Variants in FOXP2 observed in about 807,000 individuals in gnomAD.
FOXP2 encodes forkhead box protein P2.
In FOXP2, 12 loss-of-function variants were observed where a neutral mutation model predicts 115.8. That is an observed-to-expected ratio of 0.10 (90% CI 0.07 to 0.17). The LOEUF is 0.17. Ranked by LOEUF, FOXP2 falls within the 10% of genes least tolerant of loss-of-function variation. The pLI, the probability that FOXP2 is intolerant of heterozygous loss-of-function variation, is 1.00. For synonymous variants in FOXP2, 328 were observed against 297.7 expected (o/e 1.10, Z -1.05); for missense variants, 629 against 843.5 (o/e 0.75, Z 3.15).
In FOXP2 at chr7:114,557,141, C is replaced by T. The variant is rs1800504642; in HGVS notation, c.258+22435C>T. The stretch of plus-strand genomic sequence containing the variant: ...CTTGGGCTCAAACCCTGTTTTCATA[C>T]ATTGTTGGACAATGAGTCAAGGTGG... On this transcript the variant is annotated intron_variant, in intron 3 of 16. Transcript: ENST00000350908. Among the ~76,000 whole-genome samples the T allele has an allele frequency of 2.0e-5, 3 of 152,054 alleles. No individual in the cohort carries two copies. The South Asian group carries it at 6.2e-4, about 31-fold the overall frequency.
At chr7:114,245,306 C>G (rs1795253857) in intron 1 of FOXP2, among the ~76,000 whole-genome samples, 2 of 152,132 alleles carry the variant, frequency 1.3e-5, no homozygotes, top group Admixed American at 1.3e-4. Context: ...TAAGTGAATA[C>G]ATGCATATTT....
chr7:114,093,588 C>A (rs1584474532), intron 1 of FOXP2, among the ~76,000 whole-genome samples: 2 of 151,914 alleles, frequency 1.3e-5, no homozygotes, highest in African/African-American at 4.8e-5. Flanking sequence ...GAAGTTACTT[C>A]CATCTATATC....
Position 114,663,438 on chromosome 7 carries a change from T to G in FOXP2, c.1770-12T>G. ...TGACGTATAAATGATCTTTATATAT[T>G]TTTTTTTTCAGAAGTCCAACCTTAG... On this transcript the variant is annotated splice_polypyrimidine_tract_variant and intron_variant, in intron 14 of 16. Transcript: ENST00000350908. The G allele has an allele frequency of 6.4e-7, 1 of 1,568,638 alleles. No homozygotes were observed. Among genetic ancestry groups the G allele is most frequent in the African/African-American group, 1.4e-5 (1 of 73,770 alleles).
chr7:114,506,032 T>TA (rs1484471251), intron 2 of FOXP2, among the ~76,000 whole-genome samples: 1 of 151,034 alleles, frequency 6.6e-6, no homozygotes, highest in Non-Finnish European at 1.5e-5. Flanking sequence ...ACTCCCACAT[T>TA]AAAAAACAAC....
chr7:114,254,114 A>G (rs1377394504), intron 1 of FOXP2, among the ~76,000 whole-genome samples: 1 of 152,112 alleles, frequency 6.6e-6, no homozygotes, highest in African/African-American at 2.4e-5. Flanking sequence ...AATGTTGAAT[A>G]TTGGCCCCCC....
chr7:114,297,482 C>T, intron 2 of FOXP2: 1 of 351,670 alleles, frequency 2.8e-6, no homozygotes, highest in Middle Eastern at 8.7e-4. Flanking sequence ...CATTTTTTGC[C>T]TCTAAGTGCC....
intron 2 of FOXP2, among the ~76,000 whole-genome samples, chr7:114,334,900 G>T (rs907422602): frequency 7.2e-6 from 1 of 139,202 alleles, no homozygotes; most frequent in African/African-American, 2.7e-5. Flanking sequence ...GTGTGTGTGT[G>T]TGTATATATA....
At position 114,336,785 on chromosome 7, in the gene FOXP2, A is replaced by G. The variant is rs550891070; in HGVS notation, c.-11+48676A>G. ...CTACAATAATCTGTTCATTTGTCTT[A>G]GAAGAGGGGAGAAAAAAACCCAGAA... On this transcript the variant is annotated intron_variant, in intron 2 of 17. Transcript: ENST00000634411. Among the ~76,000 whole-genome samples the G allele has an allele frequency of 2.6e-5, 4 of 151,672 alleles. No homozygotes were observed. The South Asian group carries it at 8.3e-4, about 31-fold the overall frequency.
chr7:114,628,320 C>A (rs986847561), intron 3 of FOXP2, among the ~76,000 whole-genome samples: 3 of 152,066 alleles, frequency 2.0e-5, no homozygotes, highest in African/African-American at 7.2e-5. Context: ...AGCTATGGAA[C>A]ATAAAGAGTT....
intron 2 of FOXP2, among the ~76,000 whole-genome samples, chr7:114,394,464 G>A (rs1008185199): frequency 1.3e-5 from 2 of 151,754 alleles, no homozygotes; most frequent in African/African-American, 4.8e-5. Flanking sequence ...GAAAAGTTCA[G>A]TGAGGAATCG....
At chr7:114,609,394 C>A (rs1356324386) in intron 3 of FOXP2, among the ~76,000 whole-genome samples, 1 of 152,020 alleles carries the variant, frequency 6.6e-6, no homozygotes, top group African/African-American at 2.4e-5. Flanking sequence ...TAAAAAACTC[C>A]TACTGTCAAT....
chr7:114,254,706 C>G (rs1795557034), intron 1 of FOXP2, among the ~76,000 whole-genome samples: 1 of 152,094 alleles, frequency 6.6e-6, no homozygotes, highest in South Asian at 2.1e-4. Flanking sequence ...AATCTTTTTT[C>G]AAGGTTTTTA....
At position 114,297,381 on chromosome 7, in the gene FOXP2, T is replaced by C. The variant is rs575315571; in HGVS notation, c.-11+9272T>C. On this transcript the variant is annotated intron_variant, in intron 2 of 17. Transcript: ENST00000634411. ...GGGCTTGCTCACGTTCTTGGTCACC[T>C]TGTGGCCCTTGTTGAGGCCCACTGT... 3.2e-5 allele frequency: 23 copies of C among 719,856 alleles called. No homozygotes were observed. In the African/African-American group the frequency reaches 3.4e-4, roughly 11 times the overall value. 44.6% of individuals were successfully genotyped at this position (719,856 alleles called of 1,614,324 possible). A position where few individuals can be genotyped will look rare whatever the true frequency, so the allele number is the denominator to read the frequency against.
rs888509593 is a variant in FOXP2 at position 114,581,157 on chromosome 7, A to G, written c.258+46451A>G. Among the ~76,000 whole-genome samples, 23 of 95,966 alleles carry G rather than the reference A, an allele frequency of 2.4e-4. 1 individual carries two copies. Among genetic ancestry groups the G allele is most frequent in the South Asian group, 7.6e-4 (2 of 2,616 alleles). 63.0% of individuals were successfully genotyped at this position (95,966 alleles called of 152,430 possible). On this transcript the variant is annotated intron_variant, in intron 3 of 16. Transcript: ENST00000350908. ...TGCTTCTATCTTCTTCCGTTTATTT[A>G]TTTATTTATTTATTTATTTATTTAT...
chr7:114,395,857 C>A (rs942259574), intron 2 of FOXP2, among the ~76,000 whole-genome samples: 10 of 151,102 alleles, frequency 6.6e-5, no homozygotes, highest in Non-Finnish European at 8.9e-5. Flanking sequence ...CAGGGGGGGT[C>A]ACGTTTTCTT....
intron 2 of FOXP2, among the ~76,000 whole-genome samples, chr7:114,523,241 G>T (rs1458994096): frequency 6.6e-6 from 1 of 152,126 alleles, no homozygotes; most frequent in Non-Finnish European, 1.5e-5. Context: ...ATGGTGCTGG[G>T]ATTAGAACTT....
intron 2 of FOXP2, among the ~76,000 whole-genome samples, chr7:114,464,806 A>T (rs1211017891): frequency 6.6e-6 from 1 of 152,240 alleles, no homozygotes; most frequent in Non-Finnish European, 1.5e-5. Context: ...TAATCAAAAG[A>T]ACCAACCAAA....
At chr7:114,578,015 G>A (rs1259475599) in intron 3 of FOXP2, among the ~76,000 whole-genome samples, 1 of 151,864 alleles carries the variant, frequency 6.6e-6, no homozygotes, top group African/African-American at 2.4e-5. Context: ...AAGCTTAAAA[G>A]TTTAGGAATT....
At chr7:114,649,240 C>G (rs554076612) in intron 8 of FOXP2, among the ~76,000 whole-genome samples, 1 of 152,074 alleles carries the variant, frequency 6.6e-6, no homozygotes, top group African/African-American at 2.4e-5. Context: ...TCAGGGATAA[C>G]AACCCCACTT....
Sources: allele counts gnomAD v4.1 joint callset (sites outside exome capture counted in the v4.1 genomes callset), GRCh38; gene constraint gnomAD v4.1.1; transcripts MANE v1.5; gene names NCBI Gene and HGNC (gene_info 2026-07-23, HGNC 2026-07-21).